NDUFAF6: variants seen among roughly 807,000 people sequenced by gnomAD.
The protein encoded by NDUFAF6 is NADH dehydrogenase (ubiquinone) complex I, assembly factor 6.
A neutral mutation model predicts 40.8 loss-of-function variants in NDUFAF6; 45 were observed. The ratio of observed to expected loss-of-function variants is 1.10; its 90% CI spans 0.87 to 1.42. The LOEUF (loss-of-function observed/expected upper bound fraction) is 1.42, where lower values mean the gene tolerates loss of function less well. Ranked by LOEUF, NDUFAF6 falls within the 40% of genes most tolerant of loss-of-function variation. The probability of loss-of-function intolerance (pLI) is 0.00; values close to 1 mark genes in which losing one functional copy is unlikely to be tolerated. For synonymous variants in NDUFAF6, 185 were observed against 155.9 expected, an observed-to-expected ratio of 1.19 and a Z score of -1.39; for missense variants, 435 against 418.5, an observed-to-expected ratio of 1.04 and a Z score of -0.34.
downstream of NDUFAF6, among the ~76,000 whole-genome samples, chr8:95,105,064 CACAGAGAGAGAGAGAG>C (rs71273462): frequency 0.33 from 34,680 of 104,070 alleles, 5,111 homozygotes; most frequent in East Asian, 0.59. Context: ...CACACACACA[CACAGAGAGAGAGAGAG>C]AGAGAGAGAG....
At position 95,064,013 on chromosome 8, in the gene NDUFAF6, A is replaced by G. The variant is rs1587216731; in HGVS notation, c.*512-11620A>G. Among the ~76,000 whole-genome samples the G allele has an allele frequency of 2.1e-5, 3 of 143,038 alleles. No homozygotes were observed. The South Asian group carries it at 6.9e-4, about 33-fold the overall frequency. 93.8% of individuals were successfully genotyped at this position (143,038 alleles called of 152,430 possible). On this transcript the variant is annotated intron_variant and NMD_transcript_variant, in intron 9 of 9. Coordinates refer to the NDUFAF6 transcript ENST00000520757. Reference sequence around the variant, plus strand: ...CAGCCTCCTGAGTAGCTGGGACTACACGTGCCCGCCACCACGCCTGGCTAA... The same window carrying G: ...CAGCCTCCTGAGTAGCTGGGACTACGCGTGCCCGCCACCACGCCTGGCTAA...
At position 95,027,986 on chromosome 8, in the gene NDUFAF6, G is replaced by A. The variant is rs958226553; in HGVS notation, c.197+2781G>A. 2.6e-5 allele frequency among the ~76,000 whole-genome samples: 4 copies of A among 152,194 alleles called. No homozygotes were observed. The East Asian group carries it at 5.8e-4, about 22-fold the overall frequency. ...TGGCTTTGAGGAGGATAAACACAGAGCCTCAGGCTGTAGTGAGAAGGTGAG... is the reference window on the plus strand; with the variant it reads ...TGGCTTTGAGGAGGATAAACACAGAACCTCAGGCTGTAGTGAGAAGGTGAG... On this transcript the variant is annotated intron_variant, in intron 1 of 8. Transcript: ENST00000396124.
intron 7 of NDUFAF6, among the ~76,000 whole-genome samples, chr8:95,048,761 G>A (rs942858630): frequency 3.9e-5 from 6 of 152,030 alleles, no homozygotes; most frequent in African/African-American, 7.3e-5. Flanking sequence ...ATATGAATGC[G>A]TTCTCTACTG....
chr8:95,084,419 C>T (rs966034619), intron 2 of NDUFAF6, among the ~76,000 whole-genome samples: 1 of 151,998 alleles, frequency 6.6e-6, no homozygotes, highest in Non-Finnish European at 1.5e-5. Flanking sequence ...TTAAATCTTC[C>T]CAACTGCCTC....
Position 94,923,967 on chromosome 8 carries a change from C to T in NDUFAF6, c.-935-21516C>T, listed in dbSNP as rs7818597. 4.0e-3 allele frequency among the ~76,000 whole-genome samples: 603 copies of T among 152,102 alleles called. 4 individuals carry two copies. Among genetic ancestry groups the T allele is most frequent in the African/African-American group, 0.014 (563 of 41,482 alleles). ...CCTCCTAAAGTGCTGGGATTACAGG[C>T]GTGAGCCACTGCGTCCAGCCTGAAT... is the stretch of plus-strand genomic sequence containing the variant. On this transcript the variant is annotated intron_variant, in intron 1 of 14. Coordinates refer to the NDUFAF6 transcript ENST00000396113.
At chr8:94,897,445 G>A (rs958716873) in intron 1 of NDUFAF6, among the ~76,000 whole-genome samples, 4 of 152,144 alleles carry the variant, frequency 2.6e-5, no homozygotes, top group Non-Finnish European at 5.9e-5. Context: ...AAAGGGTAGG[G>A]GGCGGGTATG....
intron 2 of NDUFAF6, among the ~76,000 whole-genome samples, chr8:95,019,098 C>T (rs1020496039): frequency 2.0e-5 from 3 of 152,328 alleles, no homozygotes; most frequent in African/African-American, 7.2e-5. Flanking sequence ...GCAACCTCCA[C>T]CTCTCAGCTT....
intron 1 of NDUFAF6, among the ~76,000 whole-genome samples, chr8:94,973,696 G>GAGA (rs1824674494): frequency 7.3e-6 from 1 of 136,376 alleles, no homozygotes; most frequent in South Asian, 2.5e-4. Flanking sequence ...CGACAAGAGT[G>GAGA]AGACTCTGTC....
chr8:95,024,778 G>A (rs968202532), upstream of NDUFAF6, among the ~76,000 whole-genome samples: 5 of 152,210 alleles, frequency 3.3e-5, no homozygotes, highest in African/African-American at 1.2e-4. Flanking sequence ...AAGGGGAAGA[G>A]CCCAGGAGGG....
chr8:94,931,278 T>G (rs2131313742), intron 1 of NDUFAF6, among the ~76,000 whole-genome samples: 1 of 152,354 alleles, frequency 6.6e-6, no homozygotes, highest in East Asian at 1.9e-4. Context: ...TCTACTCATT[T>G]GCCATTTTTC....
At chr8:94,978,592 A>G (rs1825161314) in intron 1 of NDUFAF6, among the ~76,000 whole-genome samples, 3 of 152,062 alleles carry the variant, frequency 2.0e-5, no homozygotes, top group Middle Eastern at 6.8e-3. Flanking sequence ...GTGCACGCCT[A>G]TAGTCCAGGT....
At chr8:94,923,331 A>G (rs1013791453) in intron 1 of NDUFAF6, among the ~76,000 whole-genome samples, 2 of 152,214 alleles carry the variant, frequency 1.3e-5, no homozygotes, top group African/African-American at 4.8e-5. Flanking sequence ...AATGTTCTCT[A>G]TCTGCACTGT....
downstream of NDUFAF6, among the ~76,000 whole-genome samples, chr8:95,106,577 GACTTCATAACGAAAAC>G (rs1418753444): frequency 2.6e-5 from 4 of 152,190 alleles, no homozygotes; most frequent in Non-Finnish European, 5.9e-5. Flanking sequence ...CATGGGCAAA[GACTTCATAACGAAAAC>G]ACCAAAAGCA....
downstream of NDUFAF6, among the ~76,000 whole-genome samples, chr8:95,117,876 G>A (rs1810167641): frequency 6.6e-6 from 1 of 152,210 alleles, no homozygotes; most frequent in Non-Finnish European, 1.5e-5. Flanking sequence ...GCTTTGGAGA[G>A]CCAGTAGATG....
At chr8:94,899,571 G>A (rs1817882171) in intron 1 of NDUFAF6, among the ~76,000 whole-genome samples, 1 of 152,170 alleles carries the variant, frequency 6.6e-6, no homozygotes, top group African/African-American at 2.4e-5. Context: ...AGGAAGCTGA[G>A]GCACAAGTGT....
At chr8:94,959,662 T>G (rs1013015262) in intron 1 of NDUFAF6, among the ~76,000 whole-genome samples, 3 of 151,962 alleles carry the variant, frequency 2.0e-5, no homozygotes, top group African/African-American at 7.2e-5. Context: ...TCCTGAGTAG[T>G]TGGGACTACA....
At chr8:94,914,652 C>T (rs1819006567) in intron 1 of NDUFAF6, among the ~76,000 whole-genome samples, 2 of 152,128 alleles carry the variant, frequency 1.3e-5, no homozygotes, top group Non-Finnish European at 2.9e-5. Context: ...TGGCTGGGCA[C>T]GGTGGCTCAC....
At chr8:95,012,522 C>A (rs181037424) in intron 2 of NDUFAF6, among the ~76,000 whole-genome samples, 3 of 152,138 alleles carry the variant, frequency 2.0e-5, no homozygotes, top group Non-Finnish European at 2.9e-5. Flanking sequence ...ATTAAAAGTA[C>A]CTTTAGGCTG....
chr8:95,005,329 C>G (rs1157656110), intron 2 of NDUFAF6, among the ~76,000 whole-genome samples: 1 of 151,866 alleles, frequency 6.6e-6, no homozygotes, highest in Admixed American at 6.6e-5. Flanking sequence ...AAGTACATTT[C>G]TTGTTACCAG....
Sources: gnomAD v4.1 joint callset for allele counts (sites outside exome capture counted in the v4.1 genomes callset) on GRCh38, gnomAD v4.1.1 for gene constraint, MANE v1.5 for transcripts, NCBI Gene and HGNC (gene_info 2026-07-23, HGNC 2026-07-21) for gene names.